NUP155: variants seen among roughly 807,000 people sequenced by gnomAD.
NUP155 encodes nuclear pore complex protein Nup155.
NUP155 carries 71 observed loss-of-function variants against 180.4 expected under a neutral mutation model. That is an observed-to-expected ratio of 0.39 (90% CI 0.33 to 0.48). The LOEUF (loss-of-function observed/expected upper bound fraction) is 0.48, where lower values mean the gene tolerates loss of function less well. Ranked by LOEUF, NUP155 falls within the 20% of genes least tolerant of loss-of-function variation. NUP155 has a pLI of 0.91. For synonymous variants in NUP155, 582 were observed against 559.5 expected (o/e 1.04, Z -0.57); for missense variants, 1,553 against 1,648.9 (o/e 0.94, Z 1.01).
At chr5:37,309,409 A>C in intron 23 of NUP155, 142 bp from the exon 24 acceptor site, 1 of 722,422 alleles carries the variant, frequency 1.4e-6, no homozygotes. Context: ...CTTACTTCTT[A>C]ATTTTAGGCA....
At chr5:37,356,045 C>CA (rs1468217957) in intron 4 of NUP155, among the ~76,000 whole-genome samples, 3 of 151,442 alleles carry the variant, frequency 2.0e-5, no homozygotes, top group Admixed American at 6.6e-5. Context: ...GCCCGACCAA[C>CA]ATGGAGAATT....
intron 1 of NUP155, among the ~76,000 whole-genome samples, chr5:37,365,334 TGA>T (rs1282060996): frequency 6.6e-6 from 1 of 152,020 alleles, no homozygotes; most frequent in African/African-American, 2.4e-5. Context: ...GATAAATGCT[TGA>T]GAGGATAGAT....
chr5:37,305,453 A>G (rs1331381317), intron 25 of NUP155, among the ~76,000 whole-genome samples: 1 of 152,104 alleles, frequency 6.6e-6, no homozygotes, highest in Non-Finnish European at 1.5e-5. Flanking sequence ...AGACGAAGGC[A>G]GGGGGACTGC....
At chr5:37,300,626 C>T (rs562840708) in intron 30 of NUP155, among the ~76,000 whole-genome samples, 3 of 152,030 alleles carry the variant, frequency 2.0e-5, no homozygotes, top group South Asian at 2.1e-4. Context: ...AGGCAAGAAG[C>T]GAGGCCATAA....
chr5:37,293,775 G>A lies in NUP155; in HGVS notation c.3930+554C>T, dbSNP rs1286826572. Among the ~76,000 whole-genome samples the A allele has an allele frequency of 3.9e-5, 3 of 77,660 alleles. 1 individual carries two copies. The highest frequency in any genetic ancestry group is 6.2e-5 in the Non-Finnish European group (3 of 48,126). The allele number at this position is 77,660 out of a possible 152,430, so 50.9% of individuals were successfully genotyped here. On this transcript the variant is annotated intron_variant, in intron 33 of 34. Transcript: ENST00000231498. ...AGCACTTTGGGAGGCCGAGGCGGGT[G>A]GATCATGAGGTCAGGAGATCGAGAC...
Position 37,314,603 on chromosome 5 carries a change from C to T in NUP155, c.2306-275G>A, listed in dbSNP as rs993577984. Among the ~76,000 whole-genome samples, 8 of 151,932 alleles carry T rather than the reference C, an allele frequency of 5.3e-5. No homozygotes were observed. In the East Asian group the frequency reaches 7.8e-4, roughly 15 times the overall value. On this transcript the variant is annotated intron_variant, in intron 21 of 34. Coordinates refer to ENST00000231498, the MANE Select transcript of NUP155 (RefSeq NM_153485.3). ...CTGTAATCCCAGCACTTTGGGAGGC[C>T]GAGGCAGGTGGATCATGAGGTCAGG...
At chr5:37,346,975 C>G (rs987947219) in intron 9 of NUP155, among the ~76,000 whole-genome samples, 1 of 152,216 alleles carries the variant, frequency 6.6e-6, no homozygotes, top group Admixed American at 6.5e-5. Context: ...TGCCTGTAAC[C>G]CCAGCACTTT....
chr5:37,288,837 G>A lies in NUP155; in HGVS notation c.*3063C>T, dbSNP rs1742127037. 1 of 149,212 alleles carries A rather than the reference G, an allele frequency of 6.7e-6. No homozygotes were observed. The highest frequency in any genetic ancestry group is 2.1e-4 in the South Asian group (1 of 4,694). The allele number at this position is 149,212 out of a possible 1,614,324, so 9.2% of individuals were successfully genotyped here. A position where few individuals can be genotyped will look rare whatever the true frequency, so the allele number is the denominator to read the frequency against. On this transcript the variant is annotated 3_prime_UTR_variant, in exon 35 of 35. Coordinates refer to ENST00000231498, the MANE Select transcript of NUP155 (RefSeq NM_153485.3). ...CCAGCTCTTTGGGAGGCCAAGGGGG[G>A]TGGATCACCTGAGGTCAGGAGTTCA...
chr5:37,293,170 TATTA>T (rs768052214), intron 33 of NUP155, 185 bp from the exon 34 acceptor site: 22 of 559,938 alleles, frequency 3.9e-5, no homozygotes, highest in African/African-American at 7.6e-5. Flanking sequence ...ATTAAAAACT[TATTA>T]ATTAACAACA....
At chr5:37,304,685 T>C in intron 27 of NUP155, 54 bp downstream of exon 27, 2 of 1,232,154 alleles carry the variant, frequency 1.6e-6, no homozygotes, top group East Asian at 2.3e-5. Flanking sequence ...GCTTAAATCA[T>C]TGAGTTATGC....
At chr5:37,323,573 A>G (rs183186517) in intron 20 of NUP155, among the ~76,000 whole-genome samples, 194 of 150,992 alleles carry the variant, frequency 1.3e-3, no homozygotes, top group African/African-American at 4.6e-3. Context: ...TTCCATTTAT[A>G]TAACTATATT....
rs763549216 is a variant in NUP155, at chr5:37,314,278, G to A, written c.2356C>T (p.Arg786Ter). 4 of 1,609,854 alleles carry A rather than the reference G, an allele frequency of 2.5e-6. No homozygotes were observed. Among genetic ancestry groups the A allele is most frequent in the Non-Finnish European group, 3.4e-6 (4 of 1,176,434 alleles). Residue 786 changes from arginine to a stop codon, truncating the protein, a stop_gained, in exon 22 of 35, where the codon CGA becomes TGA. Coordinates refer to ENST00000231498, the MANE Select transcript of NUP155 (RefSeq NM_153485.3). LOFTEE classifies it high-confidence loss of function. ...AAAGCCAGAGCCTGATATGATTTTC[G>A]AACCAACTGCTGAATTGCCTGAAGT... The part of the protein sequence containing the change: ...ISLQAIQQLV[R>*]KSYQALALWK...
At chr5:37,338,476 G>A (rs543624008) in intron 11 of NUP155, among the ~76,000 whole-genome samples, 195 of 146,746 alleles carry the variant, frequency 1.3e-3, no homozygotes, top group African/African-American at 4.8e-3. Flanking sequence ...GCGCGATCTC[G>A]GCTCACTGCA....
chr5:37,314,134 T>TACTC, intron 22 of NUP155, 64 bp downstream of exon 22: 1 of 1,213,244 alleles, frequency 8.2e-7, no homozygotes. Context: ...AAAGCCAAAA[T>TACTC]ACTCATCCAA....
chr5:37,358,899 C>T (rs917646401), intron 3 of NUP155, among the ~76,000 whole-genome samples: 1 of 152,030 alleles, frequency 6.6e-6, no homozygotes, highest in African/African-American at 2.4e-5. Flanking sequence ...CGCCTGTGGT[C>T]CCAGCTACTC....
chr5:37,357,635 T>A (rs553945408), intron 4 of NUP155, among the ~76,000 whole-genome samples: 2 of 152,298 alleles, frequency 1.3e-5, no homozygotes, highest in Admixed American at 1.3e-4. Flanking sequence ...ACATTAATAA[T>A]CACTTTACAT....
At chr5:37,304,875 T>C (rs1294268538) in intron 26 of NUP155, 32 bp from the exon 27 acceptor site, 1 of 1,582,878 alleles carries the variant, frequency 6.3e-7, no homozygotes, top group Admixed American at 1.7e-5. Flanking sequence ...AAATTAGCAG[T>C]TAAAGGCTCT....
chr5:37,322,846 G>A (rs1410427427), intron 20 of NUP155, among the ~76,000 whole-genome samples: 4 of 151,014 alleles, frequency 2.6e-5, no homozygotes, highest in African/African-American at 9.8e-5. Flanking sequence ...GGTGGCAGGC[G>A]CCTGTAACCC....
chr5:37,329,131 A>G (rs1744792284), intron 16 of NUP155, 59 bp downstream of exon 16: 2 of 1,260,674 alleles, frequency 1.6e-6, no homozygotes, highest in Admixed American at 1.7e-5. Flanking sequence ...AAAAATTGCT[A>G]TAAAGGTTCT....
Sources: gnomAD v4.1 joint callset for allele counts (sites outside exome capture counted in the v4.1 genomes callset) on GRCh38, gnomAD v4.1.1 for gene constraint, MANE v1.5 for transcripts, NCBI Gene and HGNC (gene_info 2026-07-23, HGNC 2026-07-21) for gene names.